Variants in SYNPR observed in about 807,000 individuals in gnomAD.
The protein encoded by SYNPR is synaptoporin.
A neutral mutation model predicts 32.9 loss-of-function variants in SYNPR; 23 were observed. That is an observed-to-expected ratio of 0.70 (90% CI 0.50 to 0.99). The LOEUF (loss-of-function observed/expected upper bound fraction) is 0.99. Among genes scored for constraint, SYNPR ranks in the 50% least tolerant of loss-of-function variants. The probability of loss-of-function intolerance (pLI) is 0.00; values close to 1 mark genes in which losing one functional copy is unlikely to be tolerated. For synonymous variants in SYNPR, 146 were observed against 135.9 expected (o/e 1.07, Z -0.52); for missense variants, 318 against 349.3 (o/e 0.91, Z 0.71).
chr3:63,261,338 A>T (rs914800587), intron 2 of SYNPR, among the ~76,000 whole-genome samples: 7 of 152,158 alleles, frequency 4.6e-5, no homozygotes, highest in South Asian at 4.1e-4. Flanking sequence ...AATGATAGAC[A>T]GGATTAAGAA....
At chr3:63,479,446 G>GCGCGCACACACACACACACACACA (rs6147854) in intron 2 of SYNPR, among the ~76,000 whole-genome samples, 29 of 135,740 alleles carry the variant, frequency 2.1e-4, no homozygotes, top group African/African-American at 7.9e-4. Context: ...CCACACACAT[G>GCGCGCACACACACACACACACACA]CACACACACA....
At chr3:63,364,249 T>C (rs554728952) in intron 2 of SYNPR, among the ~76,000 whole-genome samples, 4 of 152,278 alleles carry the variant, frequency 2.6e-5, no homozygotes, top group Admixed American at 6.5e-5. Context: ...AAATTTCACT[T>C]TTGTGCAAGG....
At chr3:63,434,007 G>A (rs79932351) in intron 2 of SYNPR, among the ~76,000 whole-genome samples, 2,757 of 152,202 alleles carry the variant, frequency 0.018, 39 homozygotes, top group Middle Eastern at 0.051. Context: ...AGAGCAGAGT[G>A]GGGAGAGTGC....
intron 1 of SYNPR, among the ~76,000 whole-genome samples, chr3:63,230,436 G>A (rs1040215300): frequency 2.0e-5 from 3 of 152,106 alleles, no homozygotes; most frequent in Non-Finnish European, 2.9e-5. Flanking sequence ...ACTAGCTAAG[G>A]TGTGGCTAAT....
intron 2 of SYNPR, among the ~76,000 whole-genome samples, chr3:63,307,464 G>A (rs1391829669): frequency 1.3e-5 from 2 of 151,952 alleles, no homozygotes; most frequent in Non-Finnish European, 2.9e-5. Context: ...TGTTTCCCCA[G>A]AAGCTGTGTA....
intron 2 of SYNPR, among the ~76,000 whole-genome samples, chr3:63,401,508 C>T (rs1270303411): frequency 6.6e-6 from 1 of 152,106 alleles, no homozygotes; most frequent in African/African-American, 2.4e-5. Flanking sequence ...TTCCTAAGGA[C>T]AAAGAATGAG....
intron 3 of SYNPR, among the ~76,000 whole-genome samples, chr3:63,493,183 C>T (rs1042883078): frequency 3.9e-5 from 6 of 152,054 alleles, no homozygotes; most frequent in Non-Finnish European, 7.4e-5. Context: ...CCCTCTCCTT[C>T]CCCAACCCCA....
chr3:63,284,469 A>G (rs1423571160), intron 2 of SYNPR, among the ~76,000 whole-genome samples: 2 of 152,080 alleles, frequency 1.3e-5, no homozygotes, highest in East Asian at 1.9e-4. Context: ...ATTCATCCCT[A>G]ATTTTGCAAT....
At chr3:63,398,236 G>A (rs530595824) in intron 2 of SYNPR, among the ~76,000 whole-genome samples, 32 of 152,290 alleles carry the variant, frequency 2.1e-4, no homozygotes, top group African/African-American at 5.5e-4. Flanking sequence ...TAGATAGAGC[G>A]TAAGAGCTGG....
chr3:63,340,960 G>C (rs1465417648), intron 2 of SYNPR, among the ~76,000 whole-genome samples: 1 of 152,168 alleles, frequency 6.6e-6, no homozygotes, highest in Non-Finnish European at 1.5e-5. Context: ...AATGCATGAG[G>C]TCGTGTATGC....
intron 2 of SYNPR, among the ~76,000 whole-genome samples, chr3:63,469,422 C>A (rs868862412): frequency 1.6e-4 from 25 of 152,194 alleles, no homozygotes; most frequent in African/African-American, 5.8e-4. Context: ...CACTGATTTT[C>A]TTCAATGCAC....
At chr3:63,209,350 A>C in the SYNPR span, among the ~76,000 whole-genome samples, 1 of 151,830 alleles carries the variant, frequency 6.6e-6, no homozygotes, top group Non-Finnish European at 1.5e-5. Context: ...GAAACAGTAA[A>C]CAGTGAGTGA....
chr3:63,507,718 A>G (rs1701616449), intron 3 of SYNPR, among the ~76,000 whole-genome samples: 1 of 152,206 alleles, frequency 6.6e-6, no homozygotes, highest in South Asian at 2.1e-4. Flanking sequence ...TAATCAGGGG[A>G]AACTAGAGGA....
intron 2 of SYNPR, among the ~76,000 whole-genome samples, chr3:63,377,067 TG>T (rs2087904917): frequency 6.6e-6 from 1 of 152,132 alleles, no homozygotes; most frequent in South Asian, 2.1e-4. Flanking sequence ...GATGTAGCTA[TG>T]TATAAGTTGA....
the SYNPR span, among the ~76,000 whole-genome samples, chr3:63,209,416 A>C: frequency 6.6e-6 from 1 of 152,190 alleles, no homozygotes; most frequent in African/African-American, 2.4e-5. Context: ...CACAAATTCA[A>C]GTCTTTGATG....
At chr3:63,494,781 T>G (rs1347293772) in intron 3 of SYNPR, among the ~76,000 whole-genome samples, 2 of 152,032 alleles carry the variant, frequency 1.3e-5, no homozygotes, top group African/African-American at 2.4e-5. Flanking sequence ...AAGGCCATAC[T>G]TAGAATGTCT....
chr3:63,605,735 A>C (rs1458848377), intron 4 of SYNPR, among the ~76,000 whole-genome samples: 2 of 152,318 alleles, frequency 1.3e-5, no homozygotes, highest in South Asian at 2.1e-4. Flanking sequence ...TGATACAATG[A>C]AATTTGAGCA....
At chr3:63,309,449 T>C (rs11709439) in intron 2 of SYNPR, among the ~76,000 whole-genome samples, 16,410 of 152,092 alleles carry the variant, frequency 0.11, 1,127 homozygotes, top group Non-Finnish European at 0.16. Flanking sequence ...AAAAAATTTC[T>C]ATGAATATTA....
At chr3:63,333,906 C>A (rs1477641881) in intron 2 of SYNPR, among the ~76,000 whole-genome samples, 1 of 152,066 alleles carries the variant, frequency 6.6e-6, no homozygotes, top group Non-Finnish European at 1.5e-5. Flanking sequence ...ATATTAAAAG[C>A]CGAAATGTCT....
Sources: gnomAD v4.1 joint callset for allele counts (sites outside exome capture counted in the v4.1 genomes callset) on GRCh38, gnomAD v4.1.1 for gene constraint, MANE v1.5 for transcripts, NCBI Gene and HGNC (gene_info 2026-07-23, HGNC 2026-07-21) for gene names.